ST7: variants seen among roughly 807,000 people sequenced by gnomAD.
ST7 encodes suppressor of tumorigenicity 7 protein.
Under a neutral mutation model 78.7 loss-of-function variants are expected in ST7, and 28 were observed. The ratio of observed to expected loss-of-function variants is 0.36; its 90% CI spans 0.26 to 0.49. The LOEUF (loss-of-function observed/expected upper bound fraction) is 0.49, where lower values mean the gene tolerates loss of function less well. ST7 is among the 20% of genes least tolerant of loss of function. ST7 has a pLI of 0.99. For missense variants in ST7, 418 were observed against 696.0 expected (o/e 0.60, Z 4.49); for synonymous variants, 247 against 249.6 (o/e 0.99, Z 0.10).
At chr7:116,964,993 A>G (rs1793027952) in intron 1 of ST7, among the ~76,000 whole-genome samples, 1 of 152,230 alleles carries the variant, frequency 6.6e-6, no homozygotes, top group Non-Finnish European at 1.5e-5. Context: ...ATGGCAACAT[A>G]ACATCAATTA....
At chr7:117,002,100 T>C (rs1794958420) in intron 1 of ST7, among the ~76,000 whole-genome samples, 1 of 151,904 alleles carries the variant, frequency 6.6e-6, no homozygotes, top group African/African-American at 2.4e-5. Context: ...TGGTGGTGCA[T>C]GCCTATAGTC....
rs982302736 is a variant in ST7, at chr7:116,976,212, C to G, written c.151+22521C>G. 2.0e-5 allele frequency among the ~76,000 whole-genome samples: 3 copies of G among 151,998 alleles called. No homozygotes were observed. The South Asian group carries it at 6.2e-4, about 32-fold the overall frequency. ...CCAGGAGACGGAGTTTGCAGTGAGC[C>G]GAGATCAGGCCACTACACTCCAGCC... On this transcript the variant is annotated intron_variant, in intron 1 of 15. Coordinates refer to ENST00000323984, the MANE Select transcript of ST7 (RefSeq NM_001369598.1).
chr7:117,020,071 C>T (rs1399964079), intron 1 of ST7: 2 of 152,478 alleles, frequency 1.3e-5, no homozygotes, highest in Non-Finnish European at 2.9e-5. Flanking sequence ...GTATACGTGG[C>T]TCTCGGTCTT....
intron 1 of ST7, among the ~76,000 whole-genome samples, chr7:117,015,245 G>A (rs986929164): frequency 6.6e-6 from 1 of 152,078 alleles, no homozygotes; most frequent in African/African-American, 2.4e-5. Flanking sequence ...ATTTCAGTTG[G>A]ATCATACTTA....
intron 12 of ST7, among the ~76,000 whole-genome samples, chr7:117,193,812 T>A (rs1375601097): frequency 6.6e-6 from 1 of 152,260 alleles, no homozygotes; most frequent in Non-Finnish European, 1.5e-5. Flanking sequence ...ATAATTGTCA[T>A]CTTCTCTGAG....
At chr7:117,099,538 A>G (rs978527693) in intron 1 of ST7, among the ~76,000 whole-genome samples, 6 of 152,040 alleles carry the variant, frequency 3.9e-5, no homozygotes, top group Admixed American at 6.5e-5. Context: ...CAAGTACTCT[A>G]TTTTCTTGTA....
At chr7:117,053,376 C>G (rs766148046) in intron 1 of ST7, among the ~76,000 whole-genome samples, 4 of 152,336 alleles carry the variant, frequency 2.6e-5, no homozygotes, top group East Asian at 3.9e-4. Context: ...GAGTTAAACA[C>G]GGACTACTCT....
chr7:117,080,165 A>G (rs913723341), intron 1 of ST7, among the ~76,000 whole-genome samples: 1 of 151,368 alleles, frequency 6.6e-6, no homozygotes, highest in Non-Finnish European at 1.5e-5. Context: ...TATTTTTAGT[A>G]GAGACGGGGT....
chr7:117,156,424 G>C (rs1207368182), intron 9 of ST7, among the ~76,000 whole-genome samples: 2 of 152,238 alleles, frequency 1.3e-5, no homozygotes, highest in Non-Finnish European at 2.9e-5. Flanking sequence ...AAATGGTACA[G>C]TGGGCATTGT....
intron 1 of ST7, among the ~76,000 whole-genome samples, chr7:117,050,931 A>G (rs78205506): frequency 6.8e-6 from 1 of 147,762 alleles, no homozygotes; most frequent in East Asian, 1.9e-4. Context: ...TACGTCTCAA[A>G]AAAAAAAAAA....
At chr7:117,179,247 G>A (rs758555868) in intron 10 of ST7, among the ~76,000 whole-genome samples, 3 of 152,244 alleles carry the variant, frequency 2.0e-5, no homozygotes, top group Non-Finnish European at 4.4e-5. Context: ...TTTGCAAAAT[G>A]AAGGAAGCTA....
chr7:117,084,939 C>T (rs1800031647), intron 1 of ST7, among the ~76,000 whole-genome samples: 3 of 152,138 alleles, frequency 2.0e-5, no homozygotes, highest in African/African-American at 7.2e-5. Flanking sequence ...TTTAGGTTGT[C>T]ATTTTTTCTG....
intron 1 of ST7, among the ~76,000 whole-genome samples, chr7:117,070,155 G>C (rs1054474922): frequency 1.3e-5 from 2 of 152,132 alleles, no homozygotes; most frequent in African/African-American, 4.8e-5. Context: ...ATAACTTTCA[G>C]GACATTTGGT....
chr7:117,209,069 A>G (rs914049253), intron 12 of ST7, among the ~76,000 whole-genome samples: 2 of 152,060 alleles, frequency 1.3e-5, no homozygotes, highest in East Asian at 1.9e-4. Flanking sequence ...TAAAAATGGA[A>G]ACGTAGTCTT....
intron 1 of ST7, among the ~76,000 whole-genome samples, chr7:117,050,077 T>C (rs1188013546): frequency 6.7e-6 from 1 of 148,798 alleles, no homozygotes; most frequent in African/African-American, 2.5e-5. Flanking sequence ...TAGCTGGGTG[T>C]GTTGGCAGGC....
intron 2 of ST7, chr7:117,118,470 C>T (rs1342202228): frequency 1.3e-5 from 2 of 152,226 alleles, no homozygotes; most frequent in East Asian, 3.9e-4. Flanking sequence ...TAGAACAAAA[C>T]AGGGAAAACA....
At chr7:116,986,922 G>GCA (rs959698007) in intron 1 of ST7, among the ~76,000 whole-genome samples, 1 of 152,198 alleles carries the variant, frequency 6.6e-6, no homozygotes, top group African/African-American at 2.4e-5. Context: ...AGACTGAGAA[G>GCA]GATGATTAAG....
chr7:117,060,619 G>T (rs1433004553), intron 1 of ST7, among the ~76,000 whole-genome samples: 1 of 152,182 alleles, frequency 6.6e-6, no homozygotes, highest in Non-Finnish European at 1.5e-5. Flanking sequence ...ATGATAGTTT[G>T]CAGGGTTTTA....
chr7:116,967,573 G>A (rs191774042), intron 1 of ST7: 10 of 353,346 alleles, frequency 2.8e-5, no homozygotes, highest in Admixed American at 1.1e-4. Flanking sequence ...AAATGATGGC[G>A]CCCTTACCAC....
Sources: allele counts gnomAD v4.1 joint callset (sites outside exome capture counted in the v4.1 genomes callset), GRCh38; gene constraint gnomAD v4.1.1; transcripts MANE v1.5; gene names NCBI Gene and HGNC (gene_info 2026-07-23, HGNC 2026-07-21).